The following PLD5 variants were observed in gnomAD, a reference collection of about 807,000 sequenced individuals.
PLD5 encodes the protein inactive phospholipase D5.
Under a neutral mutation model 61.1 loss-of-function variants are expected in PLD5, and 36 were observed. That is an observed-to-expected ratio of 0.59 (90% CI 0.45 to 0.78). The LOEUF (loss-of-function observed/expected upper bound fraction) is 0.78, where lower values mean the gene tolerates loss of function less well. Among genes scored for constraint, PLD5 ranks in the 30% least tolerant of loss-of-function variants. The pLI is 0.00. For synonymous variants in PLD5, 243 were observed against 242.8 expected (o/e 1.00, Z -0.01); for missense variants, 515 against 644.4 (o/e 0.80, Z 2.17).
rs533481248 is a variant in PLD5, at chr1:242,468,111, C to A, written c.189+55977G>T. On this transcript the variant is annotated intron_variant, in intron 1 of 9. Coordinates refer to ENST00000536534, the MANE Select transcript of PLD5 (RefSeq NM_001372062.1). ...AAATGAAAATCTGTTATTTTCATAACAAGGTCTTTTAACATAGCCAAAGTA... is the reference window on the plus strand; with the variant it reads ...AAATGAAAATCTGTTATTTTCATAAAAAGGTCTTTTAACATAGCCAAAGTA... Among the ~76,000 whole-genome samples the A allele has an allele frequency of 5.9e-5, 9 of 152,270 alleles. No individual in the cohort carries two copies. The South Asian group carries it at 8.3e-4, about 14-fold the overall frequency.
In PLD5 at chr1:242,112,303, GTGTGT is replaced by G. The variant is rs769357358; in HGVS notation, c.1070+1582_1070+1586del. Among the ~76,000 whole-genome samples, 908 of 117,876 alleles carry G rather than the reference GTGTGT, an allele frequency of 7.7e-3. 15 individuals are homozygous for G. Among genetic ancestry groups the G allele is most frequent in the African/African-American group, 0.037 (854 of 22,792 alleles). The allele number at this position is 117,876 out of a possible 152,430, so 77.3% of individuals were successfully genotyped here. On this transcript the variant is annotated intron_variant, in intron 7 of 9. Transcript: ENST00000536534. Reference sequence around the variant, plus strand: ...ATGCACTGTGTGTGTGTGTGTGTGTGTGTGTGTGTGTGTGTGTGTGTATGTATGTA... The same window carrying G: ...ATGCACTGTGTGTGTGTGTGTGTGTGGTGTGTGTGTGTGTGTATGTATGTA...
intron 5 of PLD5, among the ~76,000 whole-genome samples, chr1:242,160,890 A>T (rs529195633): frequency 6.6e-6 from 1 of 152,022 alleles, no homozygotes; most frequent in East Asian, 1.9e-4. Context: ...ATCTCAAAAA[A>T]TAATAATTAA....
At chr1:242,342,210 C>T (rs982693012) in intron 2 of PLD5, among the ~76,000 whole-genome samples, 1 of 152,186 alleles carries the variant, frequency 6.6e-6, no homozygotes, top group African/African-American at 2.4e-5. Flanking sequence ...AAAAGTCCCT[C>T]TTCTAGTGAG....
At chr1:242,428,481 G>A (rs1438261857) in intron 1 of PLD5, among the ~76,000 whole-genome samples, 2 of 152,212 alleles carry the variant, frequency 1.3e-5, no homozygotes, top group Non-Finnish European at 2.9e-5. Flanking sequence ...CAGCCCTGCT[G>A]TAGAAACTCC....
chr1:242,392,673 G>T (rs114563231), intron 1 of PLD5, among the ~76,000 whole-genome samples: 36 of 152,276 alleles, frequency 2.4e-4, no homozygotes, highest in African/African-American at 8.4e-4. Flanking sequence ...AGAGGAGCCT[G>T]CTACTTCAAT....
intron 1 of PLD5, among the ~76,000 whole-genome samples, chr1:242,422,804 T>C (rs893427236): frequency 2.0e-5 from 3 of 151,644 alleles, no homozygotes; most frequent in Admixed American, 6.6e-5. Context: ...CCTGCCCACA[T>C]TGAGGTAACA....
At chr1:242,252,119 G>A (rs1238368267) in intron 4 of PLD5, among the ~76,000 whole-genome samples, 2 of 152,122 alleles carry the variant, frequency 1.3e-5, no homozygotes, top group Admixed American at 1.3e-4. Flanking sequence ...GAATTACCAA[G>A]CATGAGAAAG....
At chr1:242,115,282 C>T (rs1661856562) in intron 6 of PLD5, among the ~76,000 whole-genome samples, 1 of 152,216 alleles carries the variant, frequency 6.6e-6, no homozygotes, top group Non-Finnish European at 1.5e-5. Context: ...GAAAAACTGT[C>T]TTCCATGAAA....
chr1:242,493,147 G>A (rs140718706), intron 1 of PLD5, among the ~76,000 whole-genome samples: 2 of 152,174 alleles, frequency 1.3e-5, no homozygotes, highest in African/African-American at 4.8e-5. Context: ...CATAAAAGTT[G>A]GCAATTTTCA....
intron 5 of PLD5, among the ~76,000 whole-genome samples, chr1:242,152,357 A>AT (rs1038614529): frequency 1.3e-5 from 2 of 151,528 alleles, no homozygotes; most frequent in Non-Finnish European, 2.9e-5. Flanking sequence ...TAATGTCCCT[A>AT]TTTTTTTTCT....
At chr1:242,369,612 A>G (rs778723477) in intron 1 of PLD5, among the ~76,000 whole-genome samples, 1 of 152,178 alleles carries the variant, frequency 6.6e-6, no homozygotes, top group Non-Finnish European at 1.5e-5. Context: ...TCAGGAAGAG[A>G]GAGGTTTTGT....
intron 7 of PLD5, among the ~76,000 whole-genome samples, chr1:242,111,280 C>T (rs1254290412): frequency 1.3e-5 from 2 of 152,174 alleles, no homozygotes; most frequent in African/African-American, 2.4e-5. Context: ...TGGTGTTGAA[C>T]TCCTGACCTC....
At chr1:242,430,213 C>G (rs1665644615) in intron 1 of PLD5, among the ~76,000 whole-genome samples, 1 of 152,208 alleles carries the variant, frequency 6.6e-6, no homozygotes, top group South Asian at 2.1e-4. Context: ...GACTGACTGG[C>G]TTAAACAACA....
At chr1:242,347,782 T>G (rs1660223403) in intron 2 of PLD5, among the ~76,000 whole-genome samples, 1 of 152,234 alleles carries the variant, frequency 6.6e-6, no homozygotes, top group Non-Finnish European at 1.5e-5. Context: ...CTTTGTCCAT[T>G]GGGGCACTCC....
chr1:242,237,086 T>C (rs1399175981), intron 4 of PLD5, among the ~76,000 whole-genome samples: 1 of 152,250 alleles, frequency 6.6e-6, no homozygotes, highest in East Asian at 1.9e-4. Context: ...GATTGTGTTT[T>C]ATGAGACTGC....
At chr1:242,403,871 G>C (rs1400710653) in intron 1 of PLD5, among the ~76,000 whole-genome samples, 3 of 152,130 alleles carry the variant, frequency 2.0e-5, no homozygotes, top group African/African-American at 7.2e-5. Flanking sequence ...TCCTCAGTGT[G>C]AGTTTGAACT....
At chr1:242,470,426 G>T (rs953482085) in intron 1 of PLD5, among the ~76,000 whole-genome samples, 1 of 151,924 alleles carries the variant, frequency 6.6e-6, no homozygotes, top group Non-Finnish European at 1.5e-5. Flanking sequence ...AATCCTACTG[G>T]CCTGGGTTTG....
intron 5 of PLD5, chr1:242,192,373 G>A (rs777888628): frequency 6.6e-6 from 1 of 152,228 alleles, no homozygotes; most frequent in African/African-American, 2.4e-5. Flanking sequence ...CTCCTTTCTG[G>A]TCACCCCTCA....
chr1:242,113,235 A>T (rs780373476), intron 7 of PLD5, among the ~76,000 whole-genome samples: 1 of 151,888 alleles, frequency 6.6e-6, no homozygotes, highest in South Asian at 2.1e-4. Flanking sequence ...GACTACAGGC[A>T]CCCGCCACCA....
Sources: gnomAD v4.1 joint callset for allele counts (sites outside exome capture counted in the v4.1 genomes callset) on GRCh38, gnomAD v4.1.1 for gene constraint, MANE v1.5 for transcripts, NCBI Gene and HGNC (gene_info 2026-07-23, HGNC 2026-07-21) for gene names.